Variants in CLSPN observed in about 807,000 individuals in gnomAD.
CLSPN encodes claspin, also known as claspin homolog.
In CLSPN, 85 loss-of-function variants were observed where a neutral mutation model predicts 156.3. The ratio of observed to expected loss-of-function variants is 0.54; its 90% CI spans 0.46 to 0.65. The LOEUF is 0.65. Among genes scored for constraint, CLSPN ranks in the 30% least tolerant of loss-of-function variants. The probability of loss-of-function intolerance (pLI) is 0.00; values close to 1 mark genes in which losing one functional copy is unlikely to be tolerated. For synonymous variants in CLSPN, 534 were observed against 542.4 expected (o/e 0.98, Z 0.22); for missense variants, 1,407 against 1,554.9 (o/e 0.90, Z 1.60).
At chr1:35,745,813 T>C (rs1044174365) in intron 15 of CLSPN, among the ~76,000 whole-genome samples, 3 of 152,194 alleles carry the variant, frequency 2.0e-5, no homozygotes, top group Non-Finnish European at 2.9e-5. Flanking sequence ...CTAGCAGTTG[T>C]GTGTATTGGG....
chr1:35,724,128 G>A (rs1641129475), intron 24 of CLSPN, among the ~76,000 whole-genome samples: 1 of 152,126 alleles, frequency 6.6e-6, no homozygotes, highest in African/African-American at 2.4e-5. Flanking sequence ...TTAAGAGATG[G>A]GAGTCTTGCT....
At chr1:35,749,128 A>C (rs1458545246) in intron 12 of CLSPN, among the ~76,000 whole-genome samples, 1 of 152,010 alleles carries the variant, frequency 6.6e-6, no homozygotes, top group Non-Finnish European at 1.5e-5. Context: ...CCTGGCCGAA[A>C]GTTCTCTTCT....
downstream of CLSPN, among the ~76,000 whole-genome samples, chr1:35,728,322 A>C (rs1242247765): frequency 3.4e-5 from 5 of 149,100 alleles, no homozygotes; most frequent in South Asian, 2.1e-4. Context: ...GTTCAAGCAA[A>C]CCCCCCACCT....
In CLSPN at chr1:35,757,013, G is replaced by A. The variant is rs557783407; in HGVS notation, c.1580-3077C>T. Among the ~76,000 whole-genome samples the A allele has an allele frequency of 2.0e-4, 30 of 152,216 alleles. 1 individual carries two copies. The highest frequency in any genetic ancestry group is 1.8e-3 in the Admixed American group (27 of 15,282). ...CAATGTCCTTGCTATCTTCACTTCA[G>A]CCAGGGAGATCACCCTGTGCTTTCC... On this transcript the variant is annotated intron_variant, in intron 8 of 24. Transcript: ENST00000318121.
chr1:35,729,609 G>T (rs1355756118), downstream of CLSPN, among the ~76,000 whole-genome samples: 1 of 152,174 alleles, frequency 6.6e-6, no homozygotes, highest in Non-Finnish European at 1.5e-5. Flanking sequence ...GGTGACACCA[G>T]CCATACACAA....
intron 8 of CLSPN, among the ~76,000 whole-genome samples, chr1:35,758,313 G>A (rs1642353057): frequency 6.6e-6 from 1 of 151,970 alleles, no homozygotes; most frequent in South Asian, 2.1e-4. Context: ...TAAAGTGCTA[G>A]AATTACAGGC....
chr1:35,727,252 C>T (rs760222364), downstream of CLSPN, among the ~76,000 whole-genome samples: 1 of 152,112 alleles, frequency 6.6e-6, no homozygotes, highest in Non-Finnish European at 1.5e-5. Context: ...CAGGAGTGGC[C>T]AGAGGAAGAG....
At chr1:35,745,585 T>C (rs1178948071) in intron 15 of CLSPN, 23 bp from the exon 16 acceptor site, 5 of 1,487,122 alleles carry the variant, frequency 3.4e-6, no homozygotes, top group Non-Finnish European at 4.7e-6. Context: ...AAGGAAAAGA[T>C]GTGTCACCAA....
At chr1:35,749,846 C>T (rs1642022466) in intron 10 of CLSPN, 35 bp from the exon 11 acceptor site, 1 of 1,594,188 alleles carries the variant, frequency 6.3e-7, no homozygotes, top group East Asian at 2.2e-5. Context: ...ACAAAAAATA[C>T]AAGTCAAAAC....
chr1:35,726,308 T>C (rs953541694), intron 24 of CLSPN, among the ~76,000 whole-genome samples: 1 of 152,114 alleles, frequency 6.6e-6, no homozygotes, highest in African/African-American at 2.4e-5. Context: ...CAAAAGGTAG[T>C]ATGCTTGCTG....
At chr1:35,766,477 C>T (rs548765200) in intron 1 of CLSPN, among the ~76,000 whole-genome samples, 1 of 151,702 alleles carries the variant, frequency 6.6e-6, no homozygotes, top group East Asian at 1.9e-4. Context: ...GGAGTTTTGC[C>T]GTTGTCGCCC....
Position 35,733,528 on chromosome 1 carries a change from A to C in CLSPN, c.*2968T>G. 1 of 985,294 alleles carries C rather than the reference A, an allele frequency of 1.0e-6. No homozygotes were observed. The highest frequency in any genetic ancestry group is 1.2e-6 in the Non-Finnish European group (1 of 829,872). 61.0% of individuals were successfully genotyped at this position (985,294 alleles called of 1,614,324 possible). A position where few individuals can be genotyped will look rare whatever the true frequency, so the allele number is the denominator to read the frequency against. ...ACATGTAGGGAAACAAGAGGGAAGA[A>C]ATATCTAGCCTTCCTGCTCAGTTCT... On this transcript the variant is annotated 3_prime_UTR_variant, in exon 25 of 25. Transcript: ENST00000318121.
chr1:35,735,084 A>C lies in CLSPN; in HGVS notation c.*1412T>G. On this transcript the variant is annotated 3_prime_UTR_variant, in exon 25 of 25. Coordinates refer to ENST00000318121, the MANE Select transcript of CLSPN (RefSeq NM_022111.4). ...AATGTATGTAAGCCAGAAGAATGCA[A>C]TAAATAAGGGTTATGTTTCTTCTTG... is the stretch of plus-strand genomic sequence containing the variant. The C allele has an allele frequency of 1.0e-6, 1 of 985,460 alleles. No individual in the cohort carries two copies. The highest frequency in any genetic ancestry group is 1.2e-6 in the Non-Finnish European group (1 of 829,938). 61.0% of individuals were successfully genotyped at this position (985,460 alleles called of 1,614,324 possible). A position where few individuals can be genotyped will look rare whatever the true frequency, so the allele number is the denominator to read the frequency against.
intron 24 of CLSPN, among the ~76,000 whole-genome samples, chr1:35,725,537 G>A (rs373488039): frequency 3.2e-4 from 37 of 115,118 alleles, no homozygotes; most frequent in African/African-American, 8.8e-4. Flanking sequence ...CCCACCCTCC[G>A]GCCGCCCACC....
At chr1:35,743,630 T>A (rs1641775775) in intron 16 of CLSPN, 100 bp from the exon 17 acceptor site, 1 of 882,458 alleles carries the variant, frequency 1.1e-6, no homozygotes, top group East Asian at 2.5e-5. Context: ...TGTGTTAATT[T>A]TTTTTTTTTC....
intron 24 of CLSPN, among the ~76,000 whole-genome samples, chr1:35,721,670 G>C (rs1415481635): frequency 1.3e-5 from 2 of 151,898 alleles, no homozygotes; most frequent in African/African-American, 4.8e-5. Context: ...TTACAGGTGT[G>C]AGCCACTGTG....
chr1:35,734,798 T>G lies in CLSPN; in HGVS notation c.*1698A>C. ...GTGTTCCCATCTCCCAGTAAAAAAC[T>G]GGCACACTCTCTTCCAACTGCCCAA... On this transcript the variant is annotated 3_prime_UTR_variant, in exon 25 of 25. Transcript: ENST00000318121. The G allele has an allele frequency of 2.0e-6, 2 of 985,220 alleles. No homozygotes were observed. The highest frequency in any genetic ancestry group is 2.4e-6 in the Non-Finnish European group (2 of 829,818). The allele number at this position is 985,220 out of a possible 1,614,324, so 61.0% of individuals were successfully genotyped here.
chr1:35,765,014 C>T (rs1642621803), intron 2 of CLSPN, among the ~76,000 whole-genome samples: 1 of 152,112 alleles, frequency 6.6e-6, no homozygotes, highest in Non-Finnish European at 1.5e-5. Context: ...ATTAACCAGG[C>T]AATATGGTAG....
chr1:35,753,685 T>C, intron 9 of CLSPN, 60 bp downstream of exon 9: 1 of 1,489,362 alleles, frequency 6.7e-7, no homozygotes, highest in East Asian at 2.3e-5. Flanking sequence ...TTCAATAGCC[T>C]TGAAGATCTG....
Sources: allele counts gnomAD v4.1 joint callset (sites outside exome capture counted in the v4.1 genomes callset), GRCh38; gene constraint gnomAD v4.1.1; transcripts MANE v1.5; gene names NCBI Gene and HGNC (gene_info 2026-07-23, HGNC 2026-07-21).